GRHL2: variants seen among roughly 807,000 people sequenced by gnomAD.
GRHL2 encodes the protein grainyhead like transcription factor 2.
A neutral mutation model predicts 83.8 loss-of-function variants in GRHL2; 21 were observed. That is an observed-to-expected ratio of 0.25 (90% confidence interval 0.18 to 0.36). GRHL2 has a LOEUF of 0.36. GRHL2 is among the 10% of genes least tolerant of loss of function. The pLI, the probability that GRHL2 is intolerant of heterozygous loss-of-function variation, is 1.00. For synonymous variants in GRHL2, 280 were observed against 278.9 expected (o/e 1.00, Z -0.04); for missense variants, 623 against 781.8 (o/e 0.80, Z 2.42).
At chr8:101,495,138 G>C (rs543367875) in intron 1 of GRHL2, among the ~76,000 whole-genome samples, 1 of 152,178 alleles carries the variant, frequency 6.6e-6, no homozygotes, top group Non-Finnish European at 1.5e-5. Context: ...GTAAGTAAAC[G>C]GGCCCCTGGG....
At chr8:101,536,210 A>G (rs1454454880) in intron 1 of GRHL2, among the ~76,000 whole-genome samples, 1 of 152,220 alleles carries the variant, frequency 6.6e-6, no homozygotes, top group Non-Finnish European at 1.5e-5. Flanking sequence ...GAAGACCTTA[A>G]ATGTCAGACA....
intron 7 of GRHL2, among the ~76,000 whole-genome samples, chr8:101,580,861 G>A (rs181422616): frequency 1.0e-3 from 152 of 152,030 alleles, no homozygotes; most frequent in African/African-American, 3.0e-3. Flanking sequence ...ACGCCACCAC[G>A]CCCAGCTAAT....
At chr8:101,679,502 C>T in the GRHL2 span, among the ~76,000 whole-genome samples, 1 of 149,334 alleles carries the variant, frequency 6.7e-6, no homozygotes, top group Non-Finnish European at 1.5e-5. Context: ...AAACACTCTG[C>T]AGGATATTAT....
At chr8:101,581,843 T>G (rs1812059088) in intron 7 of GRHL2, among the ~76,000 whole-genome samples, 1 of 152,116 alleles carries the variant, frequency 6.6e-6, no homozygotes. Context: ...TTTCTGAGAC[T>G]CATCTGAAAG....
chr8:101,666,315 A>T (rs1814056318), intron 15 of GRHL2, among the ~76,000 whole-genome samples: 1 of 152,124 alleles, frequency 6.6e-6, no homozygotes, highest in South Asian at 2.1e-4. Context: ...GGGCTTCCTA[A>T]CTTCCCTGGG....
intron 8 of GRHL2, among the ~76,000 whole-genome samples, chr8:101,607,387 C>T (rs1812652976): frequency 6.6e-6 from 1 of 152,204 alleles, no homozygotes; most frequent in South Asian, 2.1e-4. Context: ...CCTGAGTGCC[C>T]TGTGGGTTCA....
chr8:101,536,838 C>G (rs1811054751), intron 1 of GRHL2, among the ~76,000 whole-genome samples: 1 of 152,116 alleles, frequency 6.6e-6, no homozygotes, highest in Non-Finnish European at 1.5e-5. Context: ...ACTCATGTCA[C>G]AAGAGTTTGA....
chr8:101,664,060 T>C (rs1813987643), intron 14 of GRHL2, among the ~76,000 whole-genome samples: 1 of 152,244 alleles, frequency 6.6e-6, no homozygotes, highest in African/African-American at 2.4e-5. Context: ...CCTCTACTTT[T>C]ATGGTTTCAT....
chr8:101,654,739 G>A lies in GRHL2; in HGVS notation c.1698+5240G>A, dbSNP rs78085221. 2.2e-3 allele frequency among the ~76,000 whole-genome samples: 334 copies of A among 152,346 alleles called. 2 individuals carry two copies. The highest frequency in any genetic ancestry group is 0.017 in the East Asian group (87 of 5,196). ...GTTGAACAGTTTGGCAATGGTGACA[G>A]TGTTCCTACAGCCTACAAGGGTTTC... On this transcript the variant is annotated intron_variant, in intron 14 of 15. Coordinates refer to ENST00000646743, the MANE Select transcript of GRHL2 (RefSeq NM_024915.4).
chr8:101,547,462 C>G (rs752123642), intron 2 of GRHL2, among the ~76,000 whole-genome samples: 11 of 152,210 alleles, frequency 7.2e-5, no homozygotes, highest in Middle Eastern at 3.2e-3. Flanking sequence ...ATGAGCTACA[C>G]GCAGGCACTC....
At chr8:101,660,150 G>T (rs76279772) in intron 14 of GRHL2, among the ~76,000 whole-genome samples, 1 of 152,126 alleles carries the variant, frequency 6.6e-6, no homozygotes, top group African/African-American at 2.4e-5. Context: ...TTAAGCAAAA[G>T]TTATTACATC....
In GRHL2 at chr8:101,669,699, A is replaced by C. The variant is rs1240351019; in HGVS notation, c.*2996A>C. On this transcript the variant is annotated 3_prime_UTR_variant, in exon 16 of 16. Coordinates refer to ENST00000646743, the MANE Select transcript of GRHL2 (RefSeq NM_024915.4). ...TTTTTGTACATTTTTAAGGAGAAAA[A>C]ATAAATATTCATAACATAAGAGTAA... 1.3e-5 allele frequency: 2 copies of C among 152,040 alleles called. No individual in the cohort carries two copies. The highest frequency in any genetic ancestry group is 4.8e-5 in the African/African-American group (2 of 41,282). The allele number at this position is 152,040 out of a possible 1,614,324, so 9.4% of individuals were successfully genotyped here. A position where few individuals can be genotyped will look rare whatever the true frequency, so the allele number is the denominator to read the frequency against.
intron 8 of GRHL2, among the ~76,000 whole-genome samples, chr8:101,600,590 G>A (rs1311928051): frequency 2.0e-5 from 3 of 152,220 alleles, no homozygotes; most frequent in Admixed American, 2.0e-4. Context: ...GAGGCAGTCT[G>A]TGTGACGGCA....
chr8:101,599,001 A>C (rs540967053), intron 7 of GRHL2, 56 bp from the exon 8 acceptor site: 1 of 1,178,678 alleles, frequency 8.5e-7, no homozygotes, highest in Non-Finnish European at 1.3e-6. Context: ...GGTTCAGTAC[A>C]TGTCACTGAG....
At chr8:101,538,553 C>T (rs916417508) in intron 1 of GRHL2, among the ~76,000 whole-genome samples, 1 of 152,204 alleles carries the variant, frequency 6.6e-6, no homozygotes, top group Non-Finnish European at 1.5e-5. Flanking sequence ...TGCTGTTTAC[C>T]GTTCTGTGTT....
chr8:101,631,823 AT>A, intron 10 of GRHL2, 99 bp downstream of exon 10: 2 of 952,538 alleles, frequency 2.1e-6, no homozygotes, highest in Non-Finnish European at 3.4e-6. Flanking sequence ...GTAAAACTGC[AT>A]ACATGCAAGG....
intron 1 of GRHL2, among the ~76,000 whole-genome samples, chr8:101,538,024 T>A (rs1318497129): frequency 6.6e-6 from 1 of 152,212 alleles, no homozygotes; most frequent in Middle Eastern, 3.2e-3. Flanking sequence ...TAAGAAGCCC[T>A]GACCCGGAAG....
intron 14 of GRHL2, among the ~76,000 whole-genome samples, chr8:101,664,040 A>T (rs139869811): frequency 0.011 from 1,621 of 152,270 alleles, 17 homozygotes; most frequent in Non-Finnish European, 0.014. Flanking sequence ...AAATTAACTC[A>T]TGGTTTCTTC....
At chr8:101,498,801 C>T (rs1586393246) in intron 1 of GRHL2, among the ~76,000 whole-genome samples, 1 of 152,086 alleles carries the variant, frequency 6.6e-6, no homozygotes, top group Non-Finnish European at 1.5e-5. Context: ...TAAAGCCGGG[C>T]GTGGTGGCTC....
Sources: gnomAD v4.1 joint callset for allele counts (sites outside exome capture counted in the v4.1 genomes callset) on GRCh38, gnomAD v4.1.1 for gene constraint, MANE v1.5 for transcripts, NCBI Gene and HGNC (gene_info 2026-07-23, HGNC 2026-07-21) for gene names.